FBXL17: variants seen among roughly 807,000 people sequenced by gnomAD.
FBXL17 encodes F-box and leucine rich repeat protein 17, also known as F-box/LRR-repeat protein 17.
Under a neutral mutation model 66.2 loss-of-function variants are expected in FBXL17, and 22 were observed. The ratio of observed to expected loss-of-function variants is 0.33; its 90% CI spans 0.24 to 0.47. The LOEUF is 0.47. Ranked by LOEUF, FBXL17 falls within the 20% of genes least tolerant of loss-of-function variation. The probability of loss-of-function intolerance (pLI) is 1.00; values close to 1 mark genes in which losing one functional copy is unlikely to be tolerated. For synonymous variants in FBXL17, 474 were observed against 400.5 expected, an observed-to-expected ratio of 1.18 and a Z score of -2.19; for missense variants, 878 against 948.2, an observed-to-expected ratio of 0.93 and a Z score of 0.97.
intron 6 of FBXL17, among the ~76,000 whole-genome samples, chr5:108,137,357 A>G (rs1216854334): frequency 6.6e-6 from 1 of 152,068 alleles, no homozygotes; most frequent in Non-Finnish European, 1.5e-5. Context: ...GCTTTCTCTC[A>G]TACGTTATTT....
intron 4 of FBXL17, among the ~76,000 whole-genome samples, chr5:108,236,887 T>G (rs1025040062): frequency 6.6e-6 from 1 of 152,160 alleles, no homozygotes; most frequent in African/African-American, 2.4e-5. Context: ...CTGACTAAGC[T>G]TATACAGGAA....
intron 6 of FBXL17, among the ~76,000 whole-genome samples, chr5:108,092,409 T>G (rs1749220095): frequency 6.6e-6 from 1 of 152,122 alleles, no homozygotes; most frequent in Non-Finnish European, 1.5e-5. Context: ...GCTCAGATGA[T>G]TCTCAGCCTC....
In FBXL17 at chr5:107,937,279, G is replaced by C. The variant is rs113426786; in HGVS notation, c.1823-56100C>G. On this transcript the variant is annotated intron_variant, in intron 7 of 8. Transcript: ENST00000542267. ...CTCAGTCACCAATGGGTGAAGCAGG[G>C]ATGCAAATCAGCCCGATCTTATTCA... Among the ~76,000 whole-genome samples the C allele has an allele frequency of 9.5e-4, 145 of 152,218 alleles. 1 individual carries two copies. The highest frequency in any genetic ancestry group is 3.0e-3 in the African/African-American group (125 of 41,534).
chr5:108,092,262 C>G (rs1381395602), intron 6 of FBXL17, among the ~76,000 whole-genome samples: 1 of 152,162 alleles, frequency 6.6e-6, no homozygotes, highest in Non-Finnish European at 1.5e-5. Context: ...GTAGATAACA[C>G]TTGGCCTTCA....
chr5:108,199,587 G>A (rs1446483433), intron 5 of FBXL17, among the ~76,000 whole-genome samples: 1 of 152,110 alleles, frequency 6.6e-6, no homozygotes, highest in Non-Finnish European at 1.5e-5. Context: ...CAGCTTTTCT[G>A]GATTCAGGAT....
chr5:108,359,712 A>C (rs1748218204), intron 3 of FBXL17, among the ~76,000 whole-genome samples: 1 of 152,136 alleles, frequency 6.6e-6, no homozygotes, highest in Admixed American at 6.6e-5. Context: ...TTTGTGATCA[A>C]ACATATGGTC....
chr5:108,233,806 T>C (rs1429226475), intron 4 of FBXL17, among the ~76,000 whole-genome samples: 2 of 152,150 alleles, frequency 1.3e-5, no homozygotes, highest in Admixed American at 6.6e-5. Flanking sequence ...AAGATCCTAG[T>C]AAAGCTTCAG....
chr5:108,251,656 A>G (rs986147523), intron 4 of FBXL17, among the ~76,000 whole-genome samples: 1 of 152,132 alleles, frequency 6.6e-6, no homozygotes, highest in Non-Finnish European at 1.5e-5. Flanking sequence ...CACAACATGC[A>G]GTAGCTTTCC....
Position 107,931,521 on chromosome 5 carries a change from C to T in FBXL17, c.1823-50342G>A, listed in dbSNP as rs540486263. Among the ~76,000 whole-genome samples the T allele has an allele frequency of 8.5e-4, 129 of 151,812 alleles. 2 individuals are homozygous for T. Among genetic ancestry groups the T allele is most frequent in the Middle Eastern group, 3.4e-3 (1 of 294 alleles). ...AGCTATTTGCCCACCTCAGCCTCCTCCCAAAGTGCTGGGATTACAGGCATG... is the reference window on the plus strand; with the variant it reads ...AGCTATTTGCCCACCTCAGCCTCCTTCCAAAGTGCTGGGATTACAGGCATG... On this transcript the variant is annotated intron_variant, in intron 7 of 8. Coordinates refer to ENST00000542267, the MANE Select transcript of FBXL17 (RefSeq NM_001163315.3).
chr5:108,087,037 C>T lies in FBXL17; in HGVS notation c.1746-66036G>A, dbSNP rs541603108. ...GCAAGAGCAAACTGAATAGGACATACGCTTTCCATACACTGTCCATGCACT... is the reference window on the plus strand; with the variant it reads ...GCAAGAGCAAACTGAATAGGACATATGCTTTCCATACACTGTCCATGCACT... On this transcript the variant is annotated intron_variant, in intron 6 of 8. Transcript: ENST00000542267. 8.6e-5 allele frequency among the ~76,000 whole-genome samples: 13 copies of T among 151,934 alleles called. No individual in the cohort carries two copies. The East Asian group carries it at 1.7e-3, about 20-fold the overall frequency.
chr5:108,128,491 ATGAAAAGT>A (rs1750805232), intron 6 of FBXL17, among the ~76,000 whole-genome samples: 1 of 152,150 alleles, frequency 6.6e-6, no homozygotes, highest in Non-Finnish European at 1.5e-5. Flanking sequence ...TATAAAACAG[ATGAAAAGT>A]GAAAGGGTTA....
Position 108,355,260 on chromosome 5 carries a change from C to CTTTATTTATTTA in FBXL17, c.1375-6742_1375-6731dup, listed in dbSNP as rs144119979. ...TATCAATAATATAAGGGATGAAAAA[C>CTTTATTTATTTA]TTTATTTATTTATTTATTTATTTAT... On this transcript the variant is annotated intron_variant, in intron 3 of 8. Transcript: ENST00000542267. Among the ~76,000 whole-genome samples, 206 of 141,486 alleles carry CTTTATTTATTTA rather than the reference C, an allele frequency of 1.5e-3. 1 individual carries two copies. Among genetic ancestry groups the CTTTATTTATTTA allele is most frequent in the African/African-American group, 4.7e-3 (180 of 38,452 alleles). The allele number at this position is 141,486 out of a possible 152,430, so 92.8% of individuals were successfully genotyped here. A position where few individuals can be genotyped will look rare whatever the true frequency, so the allele number is the denominator to read the frequency against.
intron 6 of FBXL17, among the ~76,000 whole-genome samples, chr5:108,107,682 G>A (rs1749857559): frequency 1.3e-5 from 2 of 151,516 alleles, no homozygotes. Context: ...CATGGTGGCG[G>A]GCACCTGTAG....
chr5:108,144,585 A>G (rs1751485635), intron 6 of FBXL17, among the ~76,000 whole-genome samples: 1 of 152,198 alleles, frequency 6.6e-6, no homozygotes, highest in South Asian at 2.1e-4. Flanking sequence ...CAACATTTGT[A>G]ATCATTTGAT....
chr5:108,281,005 A>G (rs1402295725), intron 4 of FBXL17, among the ~76,000 whole-genome samples: 1 of 151,908 alleles, frequency 6.6e-6, no homozygotes, highest in African/African-American at 2.4e-5. Flanking sequence ...CCAACAGTGG[A>G]GCACCCAGAG....
intron 7 of FBXL17, among the ~76,000 whole-genome samples, chr5:107,941,353 T>C (rs1362470230): frequency 6.6e-6 from 1 of 152,186 alleles, no homozygotes; most frequent in Non-Finnish European, 1.5e-5. Flanking sequence ...ACTTGAATCA[T>C]TGCACTACTC....
intron 5 of FBXL17, among the ~76,000 whole-genome samples, chr5:108,222,764 C>T (rs1466534273): frequency 1.3e-5 from 2 of 149,148 alleles, no homozygotes; most frequent in Non-Finnish European, 3.0e-5. Context: ...ACCTCCGCCT[C>T]TCGGGTTTAA....
At chr5:107,935,321 T>C (rs17160752) in intron 7 of FBXL17, among the ~76,000 whole-genome samples, 4,815 of 152,014 alleles carry the variant, frequency 0.032, 237 homozygotes, top group African/African-American at 0.11. Flanking sequence ...AGCTTTTCTG[T>C]AAAAACACAC....
chr5:108,380,627 A>C, intron 1 of FBXL17, 72 bp downstream of exon 1: 3 of 932,934 alleles, frequency 3.2e-6, no homozygotes, highest in Non-Finnish European at 4.2e-6. Flanking sequence ...GGGGGAGGAG[A>C]GAGAAAGCCT....
Sources: gnomAD v4.1 joint callset for allele counts (sites outside exome capture counted in the v4.1 genomes callset) on GRCh38, gnomAD v4.1.1 for gene constraint, MANE v1.5 for transcripts, NCBI Gene and HGNC (gene_info 2026-07-23, HGNC 2026-07-21) for gene names.